Variants in PCNT observed in about 807,000 individuals in gnomAD.
PCNT encodes the protein pericentrin.
A neutral mutation model predicts 380.4 loss-of-function variants in PCNT; 319 were observed. The ratio of observed to expected loss-of-function variants is 0.84; its 90% CI spans 0.77 to 0.92. The LOEUF (loss-of-function observed/expected upper bound fraction) is 0.92, where lower values mean the gene tolerates loss of function less well. Among genes scored for constraint, PCNT ranks in the 40% least tolerant of loss-of-function variants. PCNT has a pLI of 0.00. For missense variants in PCNT, 4,400 were observed against 4,255.3 expected, an observed-to-expected ratio of 1.03 and a Z score of -0.95; for synonymous variants, 1,845 against 1,735.2, an observed-to-expected ratio of 1.06 and a Z score of -1.57.
At chr21:46,376,955 T>C (rs2085348896) in intron 15 of PCNT, among the ~76,000 whole-genome samples, 1 of 152,230 alleles carries the variant, frequency 6.6e-6, no homozygotes, top group South Asian at 2.1e-4. Context: ...TTCAGTGTTG[T>C]GCCGTGCGAA....
At chr21:46,371,829 GAC>G (rs1209532952) in intron 15 of PCNT, among the ~76,000 whole-genome samples, 6 of 143,432 alleles carry the variant, frequency 4.2e-5, no homozygotes, top group Non-Finnish European at 4.6e-5. Flanking sequence ...CACACATGCA[GAC>G]ACAGCACATA....
At chr21:46,400,512 C>CTTTTTTTTTTTTTTTTTTTTTTTTTTT (rs1215264897) in intron 25 of PCNT, among the ~76,000 whole-genome samples, 2 of 84,540 alleles carry the variant, frequency 2.4e-5, no homozygotes, top group African/African-American at 4.6e-5. Context: ...GTGTCTGATT[C>CTTTTTTTTTTTTTTTTTTTTTTTTTTT]TTTTTTTTTT....
Position 46,367,015 on chromosome 21 carries a change from A to G in PCNT, c.3041A>G (p.Gln1014Arg), listed in dbSNP as rs757709025. The change falls in exon 15 of 47, where the codon CAA (glutamine) becomes CGA (arginine). Residue 1014 changes from glutamine (Q) to arginine (R), a missense_variant. Transcript: ENST00000359568. ...KDSLHQTILTQELEKLKRKHE... is the reference protein window; with the variant it reads ...KDSLHQTILTRELEKLKRKHE... ...TCTCTTCACCAAACGATTTTGACTC[A>G]AGAGTTGGAGAAACTGAAGCGGAAA... is the stretch of plus-strand genomic sequence containing the variant. The G allele has an allele frequency of 4.3e-6, 7 of 1,614,166 alleles. No homozygotes were observed. Among genetic ancestry groups the G allele is most frequent in the Middle Eastern group, 1.7e-4 (1 of 6,060 alleles).
At chr21:46,397,199 C>G (rs1237439519) in intron 21 of PCNT, 66 bp from the exon 22 acceptor site, 5 of 1,215,680 alleles carry the variant, frequency 4.1e-6, no homozygotes, top group Admixed American at 3.4e-5. Context: ...TCAGGAGATG[C>G]ACGTGTCATG....
chr21:46,395,628 A>G (rs1052522413), intron 21 of PCNT, among the ~76,000 whole-genome samples: 6 of 151,910 alleles, frequency 3.9e-5, no homozygotes, highest in Non-Finnish European at 8.8e-5. Context: ...ACTCAGCAAC[A>G]GAGACTCCAT....
Position 46,442,514 on chromosome 21 carries a change from A to G in PCNT, c.9641A>G (p.Lys3214Arg). 6.2e-7 allele frequency: 1 copy of G among 1,611,112 alleles called. No homozygotes were observed. The highest frequency in any genetic ancestry group is 1.1e-5 in the South Asian group (1 of 91,010). ...TTTTGTAGATTACGTTTTTTGGTTA[A>G]GAAATGGCAAGAAGTAGATCGGAAA... Reference protein sequence around the residue: ...IAILRLRFLVKKWQEVDRKGA... With the variant: ...IAILRLRFLVRKWQEVDRKGA... The change falls in exon 44 of 47, where the codon AAG becomes AGG. Residue 3214 changes from lysine (K) to arginine (R), a missense_variant. Transcript: ENST00000359568.
rs149413536 is a variant in PCNT at position 46,422,004 on chromosome 21, G to C, written c.7059G>C (p.Pro2353=). 2.5e-6 allele frequency: 4 copies of C among 1,613,966 alleles called. No homozygotes were observed. The African/African-American group carries it at 5.3e-5, about 22-fold the overall frequency. ...DGSGFGARLS[P]GSGGPEAQTA... ...CGGGTTTTGGAGCAAGACTGAGCCC[G>C]GGGTCAGGAGGCCCTGAGGCTCAAA... The change falls in exon 32 of 47, where the codon CCG becomes CCC. Residue 2353 remains proline (P), a synonymous_variant. Transcript: ENST00000359568.
In PCNT at chr21:46,353,231, G is replaced by A. The variant is rs1019583490; in HGVS notation, c.1584G>A (p.Arg528=). The change falls in exon 10 of 47, where the codon AGG becomes AGA. Residue 528 remains arginine, a synonymous_variant. Coordinates refer to ENST00000359568, the MANE Select transcript of PCNT (RefSeq NM_006031.6). ...QLRIYFEKKL[R]DAEKTYQEDL... is the part of the protein sequence containing the mutation. The stretch of plus-strand genomic sequence containing the variant: ...GGATTTATTTTGAAAAGAAGTTAAG[G>A]GATGCTGAGAAAACTTACCAAGAAG... 1.9e-6 allele frequency: 3 copies of A among 1,614,132 alleles called. No individual in the cohort carries two copies. The highest frequency in any genetic ancestry group is 1.3e-5 in the African/African-American group (1 of 75,040).
In PCNT at chr21:46,397,269, C is replaced by T. The variant is rs1321999990; in HGVS notation, c.4221C>T (p.Leu1407=). The part of the protein sequence containing the change: ...ATDAEAREAA[L]RKEVEDLTKE... ...CTGTCCTGTTTGCATCCTTAGCTCT[C>T]CGGAAGGAAGTGGAGGATCTGACCA... The change falls in exon 22 of 47, where the codon CTC becomes CTT. Residue 1407 remains leucine (L), a synonymous_variant. Transcript: ENST00000359568. The T allele has an allele frequency of 2.5e-6, 4 of 1,613,778 alleles. No individual in the cohort carries two copies. In the African/African-American group the frequency reaches 5.3e-5, roughly 22 times the overall value.
intron 21 of PCNT, among the ~76,000 whole-genome samples, chr21:46,395,996 A>G (rs2086196868): frequency 2.0e-5 from 3 of 148,734 alleles, no homozygotes. Flanking sequence ...TAGTAATAAA[A>G]TAGAGACTTC....
intron 31 of PCNT, 58 bp downstream of exon 31, chr21:46,418,364 T>C (rs1026340879): frequency 2.0e-6 from 2 of 1,023,110 alleles, no homozygotes; most frequent in African/African-American, 1.6e-5. Context: ...TAGCACAGAA[T>C]AGTCAAAAGA....
Position 46,432,043 on chromosome 21 carries a change from C to T in PCNT, c.8579C>T (p.Ser2860Phe). The change falls in exon 38 of 47, where the codon TCT becomes TTT. Residue 2860 changes from serine to phenylalanine, a missense_variant. Coordinates refer to ENST00000359568, the MANE Select transcript of PCNT (RefSeq NM_006031.6). ...ACCCAAAAACGAGAGCTGAGATGCT[C>T]TCTGGAGAGAGAGAGGGAGAAACCA... ...LHTQKRELRC[S>F]LEREREKPAW... 1 of 1,613,978 alleles carries T rather than the reference C, an allele frequency of 6.2e-7. No individual in the cohort carries two copies. The highest frequency in any genetic ancestry group is 8.5e-7 in the Non-Finnish European group (1 of 1,180,026).
intron 29 of PCNT, among the ~76,000 whole-genome samples, chr21:46,415,459 C>G (rs2086989505): frequency 7.1e-6 from 1 of 140,788 alleles, no homozygotes; most frequent in South Asian, 2.4e-4. Context: ...GATCTTGGCT[C>G]ACTGCAACCT....
chr21:46,411,959 C>T lies in PCNT; in HGVS notation c.5886C>T (p.Pro1962=), dbSNP rs775869835. 26 of 1,599,240 alleles carry T rather than the reference C, an allele frequency of 1.6e-5. No homozygotes were observed. Among genetic ancestry groups the T allele is most frequent in the African/African-American group, 1.3e-4 (10 of 74,990 alleles). The change falls in exon 28 of 47, where the codon CCC becomes CCT. Residue 1962 remains proline (P), a synonymous_variant. Transcript: ENST00000359568. ...GAGCCACAGCTCACACACGGGTGCC[C>T]GGGGCCCACCCACAGCCTCGCATGG... ...ARRATAHTRV[P]GAHPQPRMDG...
At chr21:46,415,815 A>G (rs1375608971) in intron 29 of PCNT, among the ~76,000 whole-genome samples, 1 of 152,186 alleles carries the variant, frequency 6.6e-6, no homozygotes, top group African/African-American at 2.4e-5. Flanking sequence ...GAACCTTCCC[A>G]TCCTTTTTCC....
rs746508988 is a variant in PCNT, at chr21:46,367,204, C to T, written c.3165+65C>T. ...CTCCTCGCTGCCTGTGTGTTTCCAC[C>T]GCGTGTCACATGTCTGCGTGCGTGC... On this transcript the variant is annotated intron_variant, in intron 15 of 46. Coordinates refer to ENST00000359568, the MANE Select transcript of PCNT (RefSeq NM_006031.6). The T allele has an allele frequency of 3.2e-5, 44 of 1,383,868 alleles. 1 individual carries two copies. The highest frequency in any genetic ancestry group is 2.2e-4 in the Middle Eastern group (1 of 4,476). The allele number at this position is 1,383,868 out of a possible 1,614,324, so 85.7% of individuals were successfully genotyped here.
chr21:46,416,859 C>G lies in PCNT; in HGVS notation c.6921+20C>G, dbSNP rs762858049. ...GCTGTGGTAGGTGCCTGCTCTGCTC[C>G]CAGGCCTGCTGTTCCCGTGGGAATG... On this transcript the variant is annotated intron_variant, in intron 30 of 46. Transcript: ENST00000359568. 6.3e-7 allele frequency: 1 copy of G among 1,596,408 alleles called. No individual in the cohort carries two copies. Among genetic ancestry groups the G allele is most frequent in the Admixed American group, 1.7e-5 (1 of 59,984 alleles).
In PCNT at chr21:46,351,413, A is replaced by C. The variant is rs1416279529; in HGVS notation, c.1345-16A>C. 27 of 1,439,438 alleles carry C rather than the reference A, an allele frequency of 1.9e-5. No individual in the cohort carries two copies. Among genetic ancestry groups the C allele is most frequent in the African/African-American group, 2.8e-5 (2 of 71,396 alleles). 89.2% of individuals were successfully genotyped at this position (1,439,438 alleles called of 1,614,324 possible). A position where few individuals can be genotyped will look rare whatever the true frequency, so the allele number is the denominator to read the frequency against. On this transcript the variant is annotated splice_polypyrimidine_tract_variant and intron_variant, in intron 8 of 46. Coordinates refer to ENST00000359568, the MANE Select transcript of PCNT (RefSeq NM_006031.6). ...GAGCTCATTAGGGTTTCACCTGGAC[A>C]CTTTGCTTTTTCCAGTTAGAGAATC...
At chr21:46,333,458 T>A (rs1199555139) in intron 2 of PCNT, among the ~76,000 whole-genome samples, 4 of 151,328 alleles carry the variant, frequency 2.6e-5, no homozygotes, top group Admixed American at 1.3e-4. Context: ...AAAAAAAAAA[T>A]TAGCCGGGCG....
Sources: gnomAD v4.1 joint callset for allele counts (sites outside exome capture counted in the v4.1 genomes callset) on GRCh38, gnomAD v4.1.1 for gene constraint, MANE v1.5 for transcripts, NCBI Gene and HGNC (gene_info 2026-07-23, HGNC 2026-07-21) for gene names.